The following ESPNL variants were observed in gnomAD, a reference collection of about 807,000 sequenced individuals.
ESPNL encodes the protein espin-like protein.
ESPNL carries 49 observed loss-of-function variants against 46.8 expected under a neutral mutation model. That is an observed-to-expected ratio of 1.05 (90% CI 0.83 to 1.33). The LOEUF (loss-of-function observed/expected upper bound fraction) is 1.33, where lower values mean the gene tolerates loss of function less well. Among genes scored for constraint, ESPNL ranks in the 40% most tolerant of loss-of-function variants. ESPNL has a pLI of 0.00. For synonymous variants in ESPNL, 664 were observed against 662.1 expected (o/e 1.00, Z -0.04); for missense variants, 1,540 against 1,436.6 (o/e 1.07, Z -1.16).
intron 3 of ESPNL, among the ~76,000 whole-genome samples, chr2:238,107,122 G>C (rs574765082): frequency 6.6e-6 from 1 of 152,216 alleles, no homozygotes; most frequent in Non-Finnish European, 1.5e-5. Flanking sequence ...AGACCCCCGC[G>C]TCCCACTGGC....
chr2:238,128,656 T>C (rs774536007), intron 7 of ESPNL, 51 bp from the exon 8 acceptor site: 1 of 1,526,862 alleles, frequency 6.5e-7, no homozygotes, highest in Non-Finnish European at 8.9e-7. Flanking sequence ...TTCCCTCCAC[T>C]CAGGGCCTGG....
At chr2:238,121,412 G>A (rs1482340012) in intron 5 of ESPNL, among the ~76,000 whole-genome samples, 1 of 152,220 alleles carries the variant, frequency 6.6e-6, no homozygotes, top group Non-Finnish European at 1.5e-5. Flanking sequence ...CTAAACCCCA[G>A]TTTTCTCACC....
rs760273875 is a variant in ESPNL at position 238,130,134 on chromosome 2, G to A, written c.1420G>A (p.Gly474Ser). 1 of 1,609,386 alleles carries A rather than the reference G, an allele frequency of 6.2e-7. No individual in the cohort carries two copies. The highest frequency in any genetic ancestry group is 2.2e-5 in the East Asian group (1 of 44,806). The change falls in exon 9 of 9, where the codon GGT (glycine) becomes AGT (serine). Residue 474 changes from glycine to serine, a missense_variant. Physicochemically the swap from Gly to Ser is moderately conservative, Grantham distance 56. Transcript: ENST00000343063. ...AESSAEAQDN[G>S]GSSGPTEQAA... is the part of the protein sequence containing the mutation. Reference sequence around the variant, plus strand: ...CTGCCCTTCCTGTGCCCAGGACAATGGTGGGAGCTCAGGCCCCACGGAGCA... The same window carrying A: ...CTGCCCTTCCTGTGCCCAGGACAATAGTGGGAGCTCAGGCCCCACGGAGCA...
chr2:238,126,619 GTC>G (rs1692126145), intron 6 of ESPNL, among the ~76,000 whole-genome samples: 2 of 148,830 alleles, frequency 1.3e-5, no homozygotes, highest in Non-Finnish European at 1.5e-5. Flanking sequence ...TTGTGTCCGT[GTC>G]TGTGTGTCTG....
intron 5 of ESPNL, among the ~76,000 whole-genome samples, chr2:238,119,470 ATGG>A (rs1691932255): frequency 1.3e-5 from 1 of 76,700 alleles, no homozygotes; most frequent in Non-Finnish European, 2.5e-5. Flanking sequence ...TGAAGGAGGA[ATGG>A]ATGGAGGAGG....
At chr2:238,130,084 G>A (rs1692251882) in intron 8 of ESPNL, 44 bp from the exon 9 acceptor site, 3 of 1,571,818 alleles carry the variant, frequency 1.9e-6, no homozygotes, top group Non-Finnish European at 2.6e-6. Flanking sequence ...GCTGATGGTG[G>A]GTGGGTGGGC....
At position 238,130,901 on chromosome 2, in the gene ESPNL, C is replaced by A; in HGVS notation, c.2187C>A (p.Ala729=). Residue 729 remains alanine (A), a synonymous_variant, in exon 9 of 9, where the codon GCC becomes GCA. Transcript: ENST00000343063. The stretch of plus-strand genomic sequence containing the variant: ...TGCCATCAGAGGCGGGTGCCGCAGC[C>A]GGCCCAGACCTGGCCAGCCTGCGCA... The part of the protein sequence containing the change: ...EEVPSEAGAA[A]GPDLASLRKE... The A allele has an allele frequency of 6.5e-7, 1 of 1,545,322 alleles. No individual in the cohort carries two copies. Among genetic ancestry groups the A allele is most frequent in the Non-Finnish European group, 8.7e-7 (1 of 1,145,614 alleles).
At position 238,130,169 on chromosome 2, in the gene ESPNL, G is replaced by A. The variant is rs755320852; in HGVS notation, c.1455G>A (p.Trp485Ter). ...GSSGPTEQAA[W>*]RYSQTHQAIL... ...CAGGCCCCACGGAGCAGGCGGCCTG[G>A]AGGTACTCACAGACTCATCAGGCCA... is the stretch of plus-strand genomic sequence containing the variant. The change falls in exon 9 of 9, where the codon TGG becomes TGA. Residue 485 changes from tryptophan (W) to a stop codon, truncating the protein, a stop_gained. Coordinates refer to ENST00000343063, the MANE Select transcript of ESPNL (RefSeq NM_194312.4). LOFTEE classifies it low-confidence loss of function (END_TRUNC). 8.7e-6 allele frequency: 14 copies of A among 1,612,868 alleles called. No individual in the cohort carries two copies. In the South Asian group the frequency reaches 1.3e-4, roughly 15 times the overall value.
chr2:238,122,708 T>A (rs1692014968), intron 5 of ESPNL, among the ~76,000 whole-genome samples: 1 of 152,198 alleles, frequency 6.6e-6, no homozygotes, highest in Admixed American at 6.5e-5. Context: ...GGGAGGGGGC[T>A]GAGGGCTCCC....
chr2:238,117,618 C>G (rs1691845874), intron 5 of ESPNL, among the ~76,000 whole-genome samples: 1 of 152,236 alleles, frequency 6.6e-6, no homozygotes, highest in Admixed American at 6.5e-5. Flanking sequence ...CGTCTCTCAG[C>G]CTGGGACCCC....
intron 2 of ESPNL, among the ~76,000 whole-genome samples, chr2:238,103,963 C>T (rs988604381): frequency 2.0e-5 from 3 of 152,224 alleles, no homozygotes; most frequent in East Asian, 1.9e-4. Flanking sequence ...AGCTCCCAGC[C>T]TCTGTTTCCC....
intron 2 of ESPNL, among the ~76,000 whole-genome samples, chr2:238,103,041 C>T (rs1474946339): frequency 6.6e-6 from 1 of 152,224 alleles, no homozygotes; most frequent in Admixed American, 6.5e-5. Flanking sequence ...TGGCTTTTCT[C>T]CAGAGCGTCC....
chr2:238,106,908 A>G (rs1316797795), intron 3 of ESPNL, among the ~76,000 whole-genome samples: 1 of 152,224 alleles, frequency 6.6e-6, no homozygotes, highest in Non-Finnish European at 1.5e-5. Flanking sequence ...TTTGCCCAAC[A>G]GACACTTCTG....
intron 5 of ESPNL, among the ~76,000 whole-genome samples, chr2:238,121,719 G>A (rs1449522178): frequency 6.6e-6 from 1 of 152,240 alleles, no homozygotes; most frequent in Non-Finnish European, 1.5e-5. Flanking sequence ...TTTTTGGGTA[G>A]AGGAGAAGCT....
At position 238,131,729 on chromosome 2, in the gene ESPNL, A is replaced by G; in HGVS notation, c.3015A>G (p.Glu1005=). The part of the protein sequence containing the change: ...EKEAEMFNFG[E] ...AAGCTGAGATGTTCAACTTTGGAGA[A>G]TGACCCTACTGGCAGCCTGCTTTCC... Residue 1005 remains glutamate, a synonymous_variant, in exon 9 of 9, where the codon GAA becomes GAG. Coordinates refer to ENST00000343063, the MANE Select transcript of ESPNL (RefSeq NM_194312.4). 6.3e-7 allele frequency: 1 copy of G among 1,577,376 alleles called. No homozygotes were observed. Among genetic ancestry groups the G allele is most frequent in the South Asian group, 1.1e-5 (1 of 87,856 alleles).
chr2:238,106,719 G>T (rs1691607203), intron 3 of ESPNL, among the ~76,000 whole-genome samples: 1 of 131,554 alleles, frequency 7.6e-6, no homozygotes, highest in Non-Finnish European at 1.5e-5. Context: ...TCACCACAGG[G>T]GGTCCTGAGG....
At chr2:238,129,500 G>C (rs1013763903) in intron 8 of ESPNL, among the ~76,000 whole-genome samples, 3 of 152,166 alleles carry the variant, frequency 2.0e-5, no homozygotes, top group Admixed American at 6.5e-5. Context: ...TGAGGTTGGA[G>C]AGGAACCTGG....
intron 4 of ESPNL, among the ~76,000 whole-genome samples, chr2:238,112,449 A>G (rs911526916): frequency 2.7e-5 from 4 of 150,610 alleles, no homozygotes; most frequent in Non-Finnish European, 5.9e-5. Flanking sequence ...AGTTTTTCCA[A>G]CGATCAGGTT....
At position 238,125,335 on chromosome 2, in the gene ESPNL, C is replaced by G; in HGVS notation, c.1053C>G (p.Arg351=). Residue 351 remains arginine, a synonymous_variant, in exon 6 of 9, where the codon CGC becomes CGG. Transcript: ENST00000343063. ...FPPPPLLATR[R]SLEDGRRGGP... is the part of the protein sequence containing the mutation. ...CACCTCCACTGTTGGCCACGAGGCG[C>G]TCCCTGGAGGATGGAAGAAGAGGAG... 6.3e-7 allele frequency: 1 copy of G among 1,575,340 alleles called. No homozygotes were observed. Among genetic ancestry groups the G allele is most frequent in the South Asian group, 1.2e-5 (1 of 85,106 alleles).
Sources: gnomAD v4.1 joint callset for allele counts (sites outside exome capture counted in the v4.1 genomes callset) on GRCh38, gnomAD v4.1.1 for gene constraint, MANE v1.5 for transcripts, NCBI Gene and HGNC (gene_info 2026-07-23, HGNC 2026-07-21) for gene names.